MYOCD: variants seen among roughly 807,000 people sequenced by gnomAD.
The protein encoded by MYOCD is myocardin.
Under a neutral mutation model 96.1 loss-of-function variants are expected in MYOCD, and 32 were observed. The observed-to-expected ratio is 0.33, with a 90% CI of 0.25 to 0.45. The LOEUF is 0.45. Among genes scored for constraint, MYOCD ranks in the 20% least tolerant of loss-of-function variants. The probability of loss-of-function intolerance (pLI) is 1.00; values close to 1 mark genes in which losing one functional copy is unlikely to be tolerated. For synonymous variants in MYOCD, 469 were observed against 469.0 expected (o/e 1.00, Z 0.00); for missense variants, 1,133 against 1,200.6 (o/e 0.94, Z 0.83).
chr17:12,759,913 C>A (rs1020280264), intron 12 of MYOCD, among the ~76,000 whole-genome samples: 1 of 152,206 alleles, frequency 6.6e-6, no homozygotes, highest in Admixed American at 6.5e-5. Flanking sequence ...CTCTAAAGTA[C>A]CCTGTGCTAG....
intron 1 of MYOCD, among the ~76,000 whole-genome samples, chr17:12,667,497 AG>A (rs1909440589): frequency 6.6e-6 from 1 of 152,174 alleles, no homozygotes; most frequent in African/African-American, 2.4e-5. Flanking sequence ...TCTGTTAACC[AG>A]CTAGAGACCT....
chr17:12,744,382 A>C lies in MYOCD; in HGVS notation c.917A>C (p.Gln306Pro). ...FLQLQILSQQ[Q>P]QQQQHRFSYL... is the part of the protein sequence containing the mutation. ...CAGCTCCAAATCCTCAGCCAGCAGCAGCAGCAGCAGCAACACCGATTCAGC... is the reference window on the plus strand; with the variant it reads ...CAGCTCCAAATCCTCAGCCAGCAGCCGCAGCAGCAGCAACACCGATTCAGC... Residue 306 changes from glutamine to proline, a missense_variant, in exon 8 of 14, where the codon CAG becomes CCG. Transcript: ENST00000425538. The C allele has an allele frequency of 6.2e-7, 1 of 1,614,138 alleles. No homozygotes were observed.
chr17:12,689,902 T>A (rs188318636), intron 1 of MYOCD, among the ~76,000 whole-genome samples: 61 of 152,264 alleles, frequency 4.0e-4, no homozygotes, highest in Admixed American at 3.2e-3. Flanking sequence ...CCAGATGCAC[T>A]GAAAAGTTAA....
In MYOCD at chr17:12,747,933, G is replaced by A. The variant is rs535076836; in HGVS notation, c.1125+1861G>A. ...ATAATCGCAGCACTTTGGGTGCTGC[G>A]GTAGGCGGATCATGAAGTCAAGAGA... On this transcript the variant is annotated intron_variant, in intron 9 of 13. Coordinates refer to ENST00000425538, the MANE Select transcript of MYOCD (RefSeq NM_001146312.3). 6.6e-5 allele frequency among the ~76,000 whole-genome samples: 10 copies of A among 151,366 alleles called. No individual in the cohort carries two copies. The East Asian group carries it at 1.2e-3, about 18-fold the overall frequency.
At chr17:12,691,758 A>G (rs72811277) in intron 1 of MYOCD, among the ~76,000 whole-genome samples, 14,090 of 152,212 alleles carry the variant, frequency 0.093, 681 homozygotes, top group Middle Eastern at 0.16. Flanking sequence ...TGGAACTTAC[A>G]CTCATGAGAT....
chr17:12,679,700 G>T (rs937599472), intron 1 of MYOCD, among the ~76,000 whole-genome samples: 17 of 152,020 alleles, frequency 1.1e-4, no homozygotes, highest in African/African-American at 3.9e-4. Flanking sequence ...TTAACAAAAA[G>T]AAAATATTTA....
At chr17:12,720,589 A>G (rs2031801570) in intron 4 of MYOCD, 2 of 152,188 alleles carry the variant, frequency 1.3e-5, no homozygotes, top group Admixed American at 1.3e-4. Context: ...AATCAAAACT[A>G]TATTTGCTGC....
chr17:12,722,453 A>G (rs1286533714), intron 4 of MYOCD, among the ~76,000 whole-genome samples: 3 of 152,188 alleles, frequency 2.0e-5, no homozygotes, highest in African/African-American at 7.2e-5. Context: ...AGTACTACTA[A>G]TTATAACAAC....
At chr17:12,726,226 CT>C (rs1015665340) in intron 5 of MYOCD, among the ~76,000 whole-genome samples, 3 of 152,140 alleles carry the variant, frequency 2.0e-5, no homozygotes, top group African/African-American at 7.2e-5. Flanking sequence ...GAGGGTGGCA[CT>C]TTTTCTTAAG....
intron 1 of MYOCD, among the ~76,000 whole-genome samples, chr17:12,692,209 C>G (rs987496999): frequency 6.6e-6 from 1 of 152,230 alleles, no homozygotes; most frequent in Non-Finnish European, 1.5e-5. Flanking sequence ...CTCCTGGGCA[C>G]AGCCAATGTT....
chr17:12,705,795 T>C (rs1007323288), intron 2 of MYOCD: 6 of 152,240 alleles, frequency 3.9e-5, no homozygotes, highest in African/African-American at 1.4e-4. Context: ...AAGGGTACCC[T>C]GGATGAATAA....
intron 2 of MYOCD, among the ~76,000 whole-genome samples, chr17:12,708,517 C>T (rs989910463): frequency 1.3e-5 from 2 of 151,914 alleles, no homozygotes; most frequent in Admixed American, 6.6e-5. Context: ...CCTCAGCCTC[C>T]GAGTAGCTGG....
At chr17:12,756,591 T>C in intron 11 of MYOCD, 34 bp downstream of exon 11, 1 of 1,535,718 alleles carries the variant, frequency 6.5e-7, no homozygotes, top group African/African-American at 1.4e-5. Context: ...AACCTGGGAT[T>C]CACTTTGCCT....
chr17:12,704,722 G>T (rs1280648361), intron 1 of MYOCD, among the ~76,000 whole-genome samples: 2 of 152,184 alleles, frequency 1.3e-5, no homozygotes, highest in Non-Finnish European at 2.9e-5. Context: ...CTTGCTTAGG[G>T]ATACACAGCT....
chr17:12,672,984 C>G (rs774363223), intron 1 of MYOCD, among the ~76,000 whole-genome samples: 2 of 152,212 alleles, frequency 1.3e-5, no homozygotes, highest in Non-Finnish European at 2.9e-5. Context: ...TTAAGTGGTA[C>G]GAAAGCATCA....
chr17:12,688,974 AATAG>A (rs2030302506), intron 1 of MYOCD, among the ~76,000 whole-genome samples: 1 of 152,222 alleles, frequency 6.6e-6, no homozygotes, highest in East Asian at 1.9e-4. Flanking sequence ...TTGTCAGTGG[AATAG>A]ATATTCACAC....
intron 1 of MYOCD, among the ~76,000 whole-genome samples, chr17:12,697,516 C>A (rs1449975316): frequency 6.6e-6 from 1 of 151,364 alleles, no homozygotes; most frequent in Non-Finnish European, 1.5e-5. Context: ...GCGCCCACCA[C>A]TACACCTGGC....
chr17:12,703,998 T>G (rs2031188300), intron 1 of MYOCD, among the ~76,000 whole-genome samples: 1 of 152,180 alleles, frequency 6.6e-6, no homozygotes, highest in Non-Finnish European at 1.5e-5. Flanking sequence ...TTTAAAGTAT[T>G]TGTCTGATAA....
intron 2 of MYOCD, among the ~76,000 whole-genome samples, chr17:12,714,282 G>C (rs938090962): frequency 2.1e-5 from 3 of 145,412 alleles, no homozygotes; most frequent in African/African-American, 7.6e-5. Flanking sequence ...TGAAAACTAT[G>C]TTCAGATTCA....
Sources: gnomAD v4.1 joint callset for allele counts (sites outside exome capture counted in the v4.1 genomes callset) on GRCh38, gnomAD v4.1.1 for gene constraint, MANE v1.5 for transcripts, NCBI Gene and HGNC (gene_info 2026-07-23, HGNC 2026-07-21) for gene names.